Variants in FGF12 observed in about 807,000 individuals in gnomAD.
FGF12 encodes fibroblast growth factor 12, also known as fibroblast growth factor 12B.
FGF12 carries 14 observed loss-of-function variants against 23.6 expected under a neutral mutation model. That is an observed-to-expected ratio of 0.59 (90% CI 0.39 to 0.93). FGF12 has a LOEUF of 0.93. Among genes scored for constraint, FGF12 ranks in the 40% least tolerant of loss-of-function variants. FGF12 has a pLI of 0.00. For synonymous variants in FGF12, 62 were observed against 77.3 expected, an observed-to-expected ratio of 0.80 and a Z score of 1.04; for missense variants, 175 against 217.8, an observed-to-expected ratio of 0.80 and a Z score of 1.24.
At chr3:192,249,077 A>G (rs1711828663) in intron 4 of FGF12, among the ~76,000 whole-genome samples, 1 of 152,186 alleles carries the variant, frequency 6.6e-6, no homozygotes, top group Non-Finnish European at 1.5e-5. Context: ...TGAAGATGGT[A>G]GCGAGTTTTT....
intron 4 of FGF12, among the ~76,000 whole-genome samples, chr3:192,207,005 G>T (rs1412657956): frequency 6.6e-6 from 1 of 152,140 alleles, no homozygotes; most frequent in Non-Finnish European, 1.5e-5. Context: ...ATCAGTCGTG[G>T]TGCTAAGTCT....
At chr3:192,421,644 G>A (rs1202819710) in intron 2 of FGF12, among the ~76,000 whole-genome samples, 4 of 152,018 alleles carry the variant, frequency 2.6e-5, no homozygotes, top group African/African-American at 7.2e-5. Context: ...CATAGAGAGG[G>A]GAACATCACA....
rs11394352 is a variant in FGF12 at position 192,167,731 on chromosome 3, GTATATATATATATATATATATATA to G, written c.427+2703_427+2726del. 6.0e-4 allele frequency among the ~76,000 whole-genome samples: 15 copies of G among 25,046 alleles called. 2 individuals carry two copies. The Admixed American group carries it at 6.8e-3, about 11-fold the overall frequency. The allele number at this position is 25,046 out of a possible 152,430, so 16.4% of individuals were successfully genotyped here. ...CTAAAATTAGGAGGGTAGGTTATAG[GTATATATATATATATATATATATA>G]TATATATATATATAAAATTTTTTTT... On this transcript the variant is annotated intron_variant, in intron 5 of 5. Coordinates refer to ENST00000445105, the MANE Select transcript of FGF12 (RefSeq NM_004113.6).
chr3:192,685,126 A>T (rs1717685535), intron 2 of FGF12, among the ~76,000 whole-genome samples: 1 of 152,010 alleles, frequency 6.6e-6, no homozygotes, highest in South Asian at 2.1e-4. Flanking sequence ...ACCTCAGCTC[A>T]CTGCAACCTC....
chr3:192,188,285 A>T (rs1560184616), intron 4 of FGF12, among the ~76,000 whole-genome samples: 2 of 152,144 alleles, frequency 1.3e-5, no homozygotes, highest in East Asian at 3.8e-4. Flanking sequence ...GCACATTTCA[A>T]ATTATGTTAT....
chr3:192,222,276 C>T (rs1468709242), intron 4 of FGF12, among the ~76,000 whole-genome samples: 1 of 152,018 alleles, frequency 6.6e-6, no homozygotes, highest in Non-Finnish European at 1.5e-5. Context: ...GCATTCTTAA[C>T]AGCCGACTCT....
intron 4 of FGF12, among the ~76,000 whole-genome samples, chr3:192,209,129 T>A (rs1717800452): frequency 6.6e-6 from 1 of 152,228 alleles, no homozygotes; most frequent in Admixed American, 6.5e-5. Flanking sequence ...TATAAATGAA[T>A]ATATATTATG....
intron 2 of FGF12, among the ~76,000 whole-genome samples, chr3:192,490,197 T>C (rs75433568): frequency 0.062 from 9,410 of 152,016 alleles, 998 homozygotes; most frequent in African/African-American, 0.22. Context: ...TTAAATCTGC[T>C]TTCCACTTTA....
chr3:192,219,567 G>C (rs1718369954), intron 4 of FGF12, among the ~76,000 whole-genome samples: 1 of 150,372 alleles, frequency 6.7e-6, no homozygotes, highest in Admixed American at 6.6e-5. Context: ...TGTGCCTCAT[G>C]CTACAGTGAG....
At chr3:192,687,425 C>G (rs996913907) in intron 2 of FGF12, among the ~76,000 whole-genome samples, 4 of 152,106 alleles carry the variant, frequency 2.6e-5, no homozygotes, top group Non-Finnish European at 5.9e-5. Context: ...TCATAAGACC[C>G]AGGCAGAACT....
At chr3:192,571,107 A>C (rs1174407040) in intron 2 of FGF12, among the ~76,000 whole-genome samples, 2 of 152,134 alleles carry the variant, frequency 1.3e-5, no homozygotes, top group African/African-American at 4.8e-5. Flanking sequence ...CTTATTAGCC[A>C]CACATAAACA....
chr3:192,589,822 A>T (rs947283581), intron 2 of FGF12, among the ~76,000 whole-genome samples: 4 of 151,930 alleles, frequency 2.6e-5, no homozygotes, highest in Admixed American at 2.6e-4. Flanking sequence ...TCTTAAGGTC[A>T]CACGGTAGGA....
intron 2 of FGF12, among the ~76,000 whole-genome samples, chr3:192,503,821 T>A (rs1173229382): frequency 6.6e-6 from 1 of 152,096 alleles, no homozygotes; most frequent in Non-Finnish European, 1.5e-5. Context: ...TTAGCCAGGA[T>A]GGTCTTGATC....
chr3:192,273,262 T>C (rs1452510019), intron 4 of FGF12, among the ~76,000 whole-genome samples: 1 of 152,140 alleles, frequency 6.6e-6, no homozygotes, highest in Non-Finnish European at 1.5e-5. Context: ...ATGAATGAGA[T>C]TGAGAGACAC....
intron 2 of FGF12, among the ~76,000 whole-genome samples, chr3:192,567,773 CTT>C (rs1380725815): frequency 1.5e-5 from 2 of 133,820 alleles, no homozygotes; most frequent in East Asian, 4.1e-4. Flanking sequence ...TTCTTTCTTT[CTT>C]TCTTTCTTTC....
chr3:192,590,278 T>C (rs1713563767), intron 2 of FGF12, among the ~76,000 whole-genome samples: 1 of 151,716 alleles, frequency 6.6e-6, no homozygotes, highest in African/African-American at 2.4e-5. Flanking sequence ...AAGAGAAAAA[T>C]TTCAAACCAT....
intron 2 of FGF12, among the ~76,000 whole-genome samples, chr3:192,688,162 C>G (rs1284087455): frequency 3.0e-4 from 45 of 152,150 alleles, no homozygotes; most frequent in Non-Finnish European, 4.4e-5. Context: ...ACCCTCACAG[C>G]CATAGCAGAC....
intron 2 of FGF12, among the ~76,000 whole-genome samples, chr3:192,415,478 C>T (rs1193670550): frequency 6.6e-6 from 1 of 152,070 alleles, no homozygotes; most frequent in Middle Eastern, 3.2e-3. Context: ...CAAATAGATG[C>T]ATGGGTCATC....
intron 4 of FGF12, among the ~76,000 whole-genome samples, chr3:192,316,576 T>C (rs1716238363): frequency 6.6e-6 from 1 of 152,190 alleles, no homozygotes; most frequent in South Asian, 2.1e-4. Context: ...AGACCAGCCC[T>C]AGCCAGAGGT....
Sources: gnomAD v4.1 joint callset for allele counts (sites outside exome capture counted in the v4.1 genomes callset) on GRCh38, gnomAD v4.1.1 for gene constraint, MANE v1.5 for transcripts, NCBI Gene and HGNC (gene_info 2026-07-23, HGNC 2026-07-21) for gene names.